The following CCSER1 variants were observed in gnomAD, a reference collection of about 807,000 sequenced individuals.
CCSER1 encodes the protein coiled-coil serine rich protein 1, also known as serine-rich coiled-coil domain-containing protein 1.
A neutral mutation model predicts 82.0 loss-of-function variants in CCSER1; 41 were observed. The observed-to-expected ratio is 0.50, with a 90% CI of 0.39 to 0.65. CCSER1 has a LOEUF of 0.65. Among genes scored for constraint, CCSER1 ranks in the 30% least tolerant of loss-of-function variants. CCSER1 has a pLI of 0.00. For missense variants in CCSER1, 1,119 were observed against 1,064.2 expected (o/e 1.05, Z -0.72); for synonymous variants, 414 against 383.9 (o/e 1.08, Z -0.92).
At chr4:90,819,705 C>A (rs1759491475) in intron 8 of CCSER1, among the ~76,000 whole-genome samples, 1 of 152,064 alleles carries the variant, frequency 6.6e-6, no homozygotes, top group African/African-American at 2.4e-5. Context: ...TTTATTCCTT[C>A]TTTTTAAAAA....
At chr4:90,458,022 C>T (rs999594443) in intron 4 of CCSER1, among the ~76,000 whole-genome samples, 4 of 152,146 alleles carry the variant, frequency 2.6e-5, no homozygotes, top group Non-Finnish European at 4.4e-5. Context: ...GGGTCATGGC[C>T]GTGCCCAGGC....
intron 1 of CCSER1, among the ~76,000 whole-genome samples, chr4:90,239,497 A>G (rs1434873157): frequency 6.6e-6 from 1 of 152,116 alleles, no homozygotes; most frequent in African/African-American, 2.4e-5. Flanking sequence ...TTTTAAATAG[A>G]TTGATCTGTT....
chr4:90,336,932 C>G lies in CCSER1; in HGVS notation c.1509+23885C>G, dbSNP rs75533509. On this transcript the variant is annotated intron_variant, in intron 3 of 10. Coordinates refer to ENST00000509176, the MANE Select transcript of CCSER1 (RefSeq NM_001145065.2). ...ATTAATCTACAGACTGGCCCTAAGC[C>G]TAAAATCAAAGGTGAACACATCACA... 1.4e-4 allele frequency among the ~76,000 whole-genome samples: 22 copies of G among 152,164 alleles called. No individual in the cohort carries two copies. The East Asian group carries it at 3.9e-3, about 27-fold the overall frequency.
intron 1 of CCSER1, among the ~76,000 whole-genome samples, chr4:90,216,789 C>A (rs776618813): frequency 6.6e-6 from 1 of 152,100 alleles, no homozygotes; most frequent in Admixed American, 6.6e-5. Context: ...ATTTTAGAAT[C>A]ATTTTTCTTC....
rs186112151 is a variant in CCSER1 at position 90,292,095 on chromosome 4, A to G, written c.-41-16149A>G. On this transcript the variant is annotated intron_variant, in intron 1 of 10. Transcript: ENST00000509176. ...AGTAAAAGAGGAAGGCAAACTTGTC[A>G]TCACATTTCTAATTTTATCATATAC... Among the ~76,000 whole-genome samples the G allele has an allele frequency of 2.4e-4, 36 of 152,072 alleles. No homozygotes were observed. In the East Asian group the frequency reaches 7.0e-3, roughly 29 times the overall value.
intron 9 of CCSER1, among the ~76,000 whole-genome samples, chr4:91,084,200 G>A (rs1273682084): frequency 6.6e-6 from 1 of 152,070 alleles, no homozygotes; most frequent in Non-Finnish European, 1.5e-5. Context: ...CCAAAGTGTA[G>A]AGATTACAGG....
intron 10 of CCSER1, among the ~76,000 whole-genome samples, chr4:91,288,982 G>T (rs1186446867): frequency 1.3e-5 from 2 of 152,020 alleles, no homozygotes; most frequent in African/African-American, 4.8e-5. Context: ...ATAACAATGG[G>T]ATATGACTAG....
chr4:90,357,101 C>T (rs1489688035), intron 3 of CCSER1, among the ~76,000 whole-genome samples: 1 of 151,802 alleles, frequency 6.6e-6, no homozygotes, highest in Non-Finnish European at 1.5e-5. Context: ...ATTTAATGTT[C>T]TTTGGCCTTT....
At chr4:91,515,466 T>C (rs537166159) in intron 10 of CCSER1, among the ~76,000 whole-genome samples, 6 of 152,348 alleles carry the variant, frequency 3.9e-5, no homozygotes, top group African/African-American at 1.4e-4. Context: ...TATTTGGTTC[T>C]GTTCCTGCAT....
intron 4 of CCSER1, among the ~76,000 whole-genome samples, chr4:90,462,862 T>C (rs1015678132): frequency 6.6e-6 from 1 of 152,170 alleles, no homozygotes; most frequent in African/African-American, 2.4e-5. Context: ...ACAACCCAAG[T>C]GCAAGATTAT....
At chr4:91,433,046 A>C (rs1754421728) in intron 10 of CCSER1, among the ~76,000 whole-genome samples, 1 of 152,158 alleles carries the variant, frequency 6.6e-6, no homozygotes, top group Non-Finnish European at 1.5e-5. Flanking sequence ...ACTAGGTTGA[A>C]TAAAATAAGT....
chr4:91,509,283 C>A (rs971859984), intron 10 of CCSER1, among the ~76,000 whole-genome samples: 8 of 151,932 alleles, frequency 5.3e-5, no homozygotes, highest in African/African-American at 1.7e-4. Context: ...CATTTTGGTT[C>A]ATTGTATTTT....
chr4:90,339,006 A>T (rs1740902367), intron 3 of CCSER1, among the ~76,000 whole-genome samples: 1 of 152,240 alleles, frequency 6.6e-6, no homozygotes, highest in Non-Finnish European at 1.5e-5. Context: ...TGTTGCACAT[A>T]CATGTGTTTC....
At chr4:91,262,077 A>G (rs1741230508) in intron 10 of CCSER1, among the ~76,000 whole-genome samples, 1 of 152,128 alleles carries the variant, frequency 6.6e-6, no homozygotes, top group Non-Finnish European at 1.5e-5. Context: ...AAAAATTGTA[A>G]TAAATAATAT....
chr4:91,397,983 T>C (rs1322198196), intron 10 of CCSER1, among the ~76,000 whole-genome samples: 1 of 151,964 alleles, frequency 6.6e-6, no homozygotes, highest in African/African-American at 2.4e-5. Context: ...TGCAGAGAAA[T>C]GTAATCATTA....
At chr4:91,013,279 G>C (rs1024613417) in intron 9 of CCSER1, among the ~76,000 whole-genome samples, 3 of 132,328 alleles carry the variant, frequency 2.3e-5, no homozygotes, top group African/African-American at 7.5e-5. Context: ...TTTTTCTTTT[G>C]TATGTAAATA....
At chr4:91,014,247 A>G (rs1269817848) in intron 9 of CCSER1, among the ~76,000 whole-genome samples, 1 of 134,590 alleles carries the variant, frequency 7.4e-6, no homozygotes, top group Admixed American at 7.4e-5. Flanking sequence ...ATCTATAGCT[A>G]TCTTTTAAAT....
chr4:90,593,672 G>A (rs1181267243), intron 5 of CCSER1, among the ~76,000 whole-genome samples: 8 of 111,930 alleles, frequency 7.1e-5, no homozygotes, highest in African/African-American at 5.6e-4. Flanking sequence ...CTTTTGCACT[G>A]TATATATTAT....
At chr4:90,589,118 A>G (rs924930548) in intron 5 of CCSER1, among the ~76,000 whole-genome samples, 11 of 152,186 alleles carry the variant, frequency 7.2e-5, no homozygotes, top group Admixed American at 2.6e-4. Context: ...TATGCTACAG[A>G]TGAATTAATT....
Sources: gnomAD v4.1 joint callset for allele counts (sites outside exome capture counted in the v4.1 genomes callset) on GRCh38, gnomAD v4.1.1 for gene constraint, MANE v1.5 for transcripts, NCBI Gene and HGNC (gene_info 2026-07-23, HGNC 2026-07-21) for gene names.